The following MAPK10 variants were observed in gnomAD, a reference collection of about 807,000 sequenced individuals.
MAPK10 encodes mitogen-activated protein kinase 10.
MAPK10 carries 25 observed loss-of-function variants against 59.3 expected under a neutral mutation model. That is an observed-to-expected ratio of 0.42 (90% CI 0.31 to 0.59). The LOEUF is 0.59. MAPK10 is among the 20% of genes least tolerant of loss of function. The pLI, the probability that MAPK10 is intolerant of heterozygous loss-of-function variation, is 0.15. For synonymous variants in MAPK10, 190 were observed against 200.5 expected (o/e 0.95, Z 0.44); for missense variants, 351 against 568.9 (o/e 0.62, Z 3.90).
chr4:86,231,444 A>G (rs1259614532), intron 2 of MAPK10, among the ~76,000 whole-genome samples: 2 of 152,024 alleles, frequency 1.3e-5, no homozygotes, highest in East Asian at 1.9e-4. Context: ...TCATGAGGTC[A>G]AGAGATCAAG....
intron 4 of MAPK10, among the ~76,000 whole-genome samples, chr4:86,108,263 T>C (rs956143644): frequency 1.3e-5 from 2 of 152,090 alleles, no homozygotes; most frequent in Admixed American, 1.3e-4. Flanking sequence ...GCAGAGTACA[T>C]GAGTTTAGAG....
chr4:86,411,838 C>T (rs1275879886), intron 1 of MAPK10, among the ~76,000 whole-genome samples: 2 of 152,138 alleles, frequency 1.3e-5, no homozygotes, highest in Non-Finnish European at 2.9e-5. Context: ...ACTGATGGGT[C>T]TTGACTCTTT....
intron 2 of MAPK10, among the ~76,000 whole-genome samples, chr4:86,318,755 T>C (rs545954249): frequency 6.6e-6 from 1 of 152,226 alleles, no homozygotes; most frequent in South Asian, 2.1e-4. Context: ...AGTTTGCAAT[T>C]TACAGACATT....
At position 86,342,058 on chromosome 4, in the gene MAPK10, C is replaced by G. The variant is rs1407346567; in HGVS notation, c.-7+12472G>C. ...CCTACTTGACCAACAGACTATACAG[C>G]CATGGGTTAAACTGAAGAAAACAGC... On this transcript the variant is annotated intron_variant, in intron 2 of 13. Transcript: ENST00000641462. Among the ~76,000 whole-genome samples, 3 of 152,090 alleles carry G rather than the reference C, an allele frequency of 2.0e-5. No individual in the cohort carries two copies. In the East Asian group the frequency reaches 5.8e-4, roughly 29 times the overall value.
intron 10 of MAPK10, 25 bp from the exon 11 acceptor site, chr4:86,064,415 A>G (rs1242031377): frequency 6.2e-7 from 1 of 1,612,530 alleles, no homozygotes; most frequent in Non-Finnish European, 8.5e-7. Context: ...GAGAAAAACA[A>G]TTAGTAAGAT....
chr4:86,100,740 T>G (rs139772327), intron 8 of MAPK10: 1 of 205,026 alleles, frequency 4.9e-6, no homozygotes, highest in Non-Finnish European at 1.0e-5. Flanking sequence ...GCAACCCAAA[T>G]AGCAATTTTT....
intron 3 of MAPK10, among the ~76,000 whole-genome samples, chr4:86,176,412 T>C (rs1451076685): frequency 6.6e-6 from 1 of 152,152 alleles, no homozygotes; most frequent in Non-Finnish European, 1.5e-5. Flanking sequence ...ACCTCAACAA[T>C]AATTAAGCTC....
rs182960244 is a variant in MAPK10, at chr4:86,013,620, A to G, written c.*3608T>C. ...TGCTTATTTTTTTTTCCTTGACAGG[A>G]CATAAAAGGTTTTACATATTTTTAT... On this transcript the variant is annotated 3_prime_UTR_variant, in exon 14 of 14. Coordinates refer to ENST00000641462, the MANE Select transcript of MAPK10 (RefSeq NM_138982.4). 1 of 152,304 alleles carries G rather than the reference A, an allele frequency of 6.6e-6. No homozygotes were observed. The highest frequency in any genetic ancestry group is 2.4e-5 in the African/African-American group (1 of 41,580). The allele number at this position is 152,304 out of a possible 1,614,324, so 9.4% of individuals were successfully genotyped here. A position where few individuals can be genotyped will look rare whatever the true frequency, so the allele number is the denominator to read the frequency against.
At chr4:86,441,742 C>T (rs1395272523) in intron 1 of MAPK10, among the ~76,000 whole-genome samples, 2 of 152,156 alleles carry the variant, frequency 1.3e-5, no homozygotes, top group African/African-American at 4.8e-5. Context: ...AAACCCCATC[C>T]ACACTAGGGA....
At chr4:86,559,190 A>C (rs1173801554) in intron 1 of MAPK10, among the ~76,000 whole-genome samples, 1 of 151,918 alleles carries the variant, frequency 6.6e-6, no homozygotes, top group African/African-American at 2.4e-5. Flanking sequence ...ATCCCCAAAA[A>C]TTTATGTTTA....
At chr4:86,326,771 AAC>A (rs932988382) in intron 2 of MAPK10, 6 of 152,216 alleles carry the variant, frequency 3.9e-5, no homozygotes, top group African/African-American at 1.2e-4. Flanking sequence ...TGAAAAATGG[AAC>A]ACACAGTTTA....
intron 1 of MAPK10, among the ~76,000 whole-genome samples, chr4:86,510,630 C>T (rs1756155747): frequency 6.6e-6 from 1 of 151,326 alleles, no homozygotes; most frequent in Non-Finnish European, 1.5e-5. Flanking sequence ...TATCTATATA[C>T]ATGTATACAG....
intron 4 of MAPK10, among the ~76,000 whole-genome samples, chr4:86,150,853 C>G (rs1436790793): frequency 6.6e-6 from 1 of 151,812 alleles, no homozygotes; most frequent in East Asian, 1.9e-4. Flanking sequence ...CAGAGTGAGA[C>G]TCCGTCTCAA....
At chr4:86,173,094 C>T (rs1014541043) in intron 3 of MAPK10, among the ~76,000 whole-genome samples, 1 of 150,854 alleles carries the variant, frequency 6.6e-6, no homozygotes, top group Non-Finnish European at 1.5e-5. Context: ...GATTGACATT[C>T]TTCACAGAAT....
intron 2 of MAPK10, among the ~76,000 whole-genome samples, chr4:86,308,350 A>C (rs2095607756): frequency 6.6e-6 from 1 of 152,192 alleles, no homozygotes; most frequent in Non-Finnish European, 1.5e-5. Context: ...TTTTCTTGCA[A>C]AGAATGAAAC....
chr4:86,361,928 C>T (rs1337994108), upstream of MAPK10, among the ~76,000 whole-genome samples: 1 of 152,074 alleles, frequency 6.6e-6, no homozygotes, highest in African/African-American at 2.4e-5. Flanking sequence ...TTAATAGGTA[C>T]AAAGTTTCAG....
At chr4:86,529,215 A>G (rs1458581583) in intron 1 of MAPK10, among the ~76,000 whole-genome samples, 1 of 152,186 alleles carries the variant, frequency 6.6e-6, no homozygotes, top group African/African-American at 2.4e-5. Flanking sequence ...CCCTTAGATG[A>G]AAGATCTGTT....
chr4:86,488,963 T>C (rs764257378), intron 1 of MAPK10, among the ~76,000 whole-genome samples: 1 of 152,208 alleles, frequency 6.6e-6, no homozygotes, highest in Non-Finnish European at 1.5e-5. Context: ...GCTTGAAAAG[T>C]GTTTGCGCAT....
chr4:86,372,541 A>AAAG (rs879747017), intron 1 of MAPK10, among the ~76,000 whole-genome samples: 1,444 of 72,964 alleles, frequency 0.02, 31 homozygotes, highest in African/African-American at 0.039. Flanking sequence ...AGAAAGAAAG[A>AAAG]AAGAAAGAAA....
Sources: gnomAD v4.1 joint callset for allele counts (sites outside exome capture counted in the v4.1 genomes callset) on GRCh38, gnomAD v4.1.1 for gene constraint, MANE v1.5 for transcripts, NCBI Gene and HGNC (gene_info 2026-07-23, HGNC 2026-07-21) for gene names.